Variants in MARCHF8 observed in about 807,000 individuals in gnomAD.
MARCHF8 encodes the protein membrane associated ring-CH-type finger 8.
Under a neutral mutation model 51.6 loss-of-function variants are expected in MARCHF8, and 40 were observed. That is an observed-to-expected ratio of 0.77 (90% CI 0.60 to 1.01). The LOEUF (loss-of-function observed/expected upper bound fraction) is 1.01, where lower values mean the gene tolerates loss of function less well. Ranked by LOEUF, MARCHF8 falls within the 50% of genes least tolerant of loss-of-function variation. The pLI is 0.00. For missense variants in MARCHF8, 685 were observed against 708.6 expected (o/e 0.97, Z 0.38); for synonymous variants, 263 against 280.3 (o/e 0.94, Z 0.62).
intron 2 of MARCHF8, among the ~76,000 whole-genome samples, chr10:45,495,590 C>A (rs1298234149): frequency 1.3e-5 from 2 of 152,036 alleles, no homozygotes; most frequent in African/African-American, 4.8e-5. Flanking sequence ...CCATAAATTC[C>A]CTCTTCAACG....
rs1842894833 is a variant in MARCHF8, at chr10:45,464,272, G to A, written c.209C>T (p.Thr70Ile). ...GTCCTGGCTGGATGGCGTGATAGAA[G>A]TGCGAGAGAAGGAGGACACCGGAGC... The part of the protein sequence containing the change: ...APAPVSSFSR[T>I]SITPSSQDIC... The change falls in exon 4 of 8, where the codon ACT (threonine) becomes ATT (isoleucine). Residue 70 changes from threonine (T) to isoleucine (I), a missense_variant. Thr to Ile is a moderately conservative substitution (Grantham distance 89, BLOSUM62 -1). Coordinates refer to ENST00000453424, the MANE Select transcript of MARCHF8 (RefSeq NM_001282866.2). 4 of 1,614,210 alleles carry A rather than the reference G, an allele frequency of 2.5e-6. No homozygotes were observed. The highest frequency in any genetic ancestry group is 1.1e-5 in the South Asian group (1 of 91,086).
chr10:45,477,705 T>TA (rs1336714466), intron 3 of MARCHF8, among the ~76,000 whole-genome samples: 1 of 152,082 alleles, frequency 6.6e-6, no homozygotes, highest in Non-Finnish European at 1.5e-5. Context: ...CATATAGACT[T>TA]AAAGTACAGG....
intron 2 of MARCHF8, among the ~76,000 whole-genome samples, chr10:45,492,507 C>A (rs2043101514): frequency 6.6e-6 from 1 of 152,108 alleles, no homozygotes; most frequent in Non-Finnish European, 1.5e-5. Flanking sequence ...CTGTGTTAGC[C>A]AGGATGGTCT....
intron 2 of MARCHF8, among the ~76,000 whole-genome samples, chr10:45,513,698 TCAGA>T (rs1483175497): frequency 6.6e-6 from 1 of 151,410 alleles, no homozygotes; most frequent in Non-Finnish European, 1.5e-5. Context: ...CCACAAAAAA[TCAGA>T]CAGAGGGAGC....
intron 3 of MARCHF8, among the ~76,000 whole-genome samples, chr10:45,474,423 AG>A (rs1225140831): frequency 6.6e-6 from 1 of 151,830 alleles, no homozygotes; most frequent in African/African-American, 2.4e-5. Flanking sequence ...CTCACAGCAG[AG>A]ATGGAAAGTT....
rs1183838148 is a variant in MARCHF8, at chr10:45,489,558, T to C, written c.103-141A>G. On this transcript the variant is annotated intron_variant, in intron 2 of 7. Transcript: ENST00000453424. ...AGCACAACCTACTATATACTAGATG[T>C]ATGTAGCCAGGCAGTAAATATTGCA... is the stretch of plus-strand genomic sequence containing the variant. The C allele has an allele frequency of 2.6e-5, 17 of 657,102 alleles. No homozygotes were observed. The East Asian group carries it at 3.7e-4, about 14-fold the overall frequency. The allele number at this position is 657,102 out of a possible 1,614,324, so 40.7% of individuals were successfully genotyped here. A position where few individuals can be genotyped will look rare whatever the true frequency, so the allele number is the denominator to read the frequency against.
At chr10:45,461,643 A>C (rs1218678714) in intron 5 of MARCHF8, 3 of 359,806 alleles carry the variant, frequency 8.3e-6, no homozygotes, top group Non-Finnish European at 1.5e-5. Context: ...GAAAGGAAAA[A>C]ACGATGTAAG....
chr10:45,569,883 T>G (rs1181401337), intron 1 of MARCHF8, among the ~76,000 whole-genome samples: 1 of 152,134 alleles, frequency 6.6e-6, no homozygotes, highest in Non-Finnish European at 1.5e-5. Context: ...GACCCAATTA[T>G]GTCTACAAGA....
chr10:45,469,294 C>A (rs1251734667), intron 3 of MARCHF8, among the ~76,000 whole-genome samples: 1 of 152,074 alleles, frequency 6.6e-6, no homozygotes, highest in African/African-American at 2.4e-5. Context: ...CCACTTTACA[C>A]TGAGCAACAT....
chr10:45,539,133 G>A (rs1017563572), upstream of MARCHF8, among the ~76,000 whole-genome samples: 84 of 152,184 alleles, frequency 5.5e-4, no homozygotes, highest in Non-Finnish European at 1.1e-3. Context: ...AGACCACAGT[G>A]CAATCAAACT....
chr10:45,553,474 G>A (rs1589171783), intron 1 of MARCHF8, among the ~76,000 whole-genome samples: 2 of 152,260 alleles, frequency 1.3e-5, no homozygotes, highest in South Asian at 2.1e-4. Flanking sequence ...CATTACGCTT[G>A]AATACTTCCT....
intron 2 of MARCHF8, among the ~76,000 whole-genome samples, chr10:45,530,864 A>G (rs138487260): frequency 5.4e-4 from 83 of 152,318 alleles, no homozygotes; most frequent in African/African-American, 1.9e-3. Flanking sequence ...CATGCCAACA[A>G]TGACAGAAAA....
chr10:45,566,808 G>A (rs2044370516), intron 1 of MARCHF8, among the ~76,000 whole-genome samples: 1 of 151,946 alleles, frequency 6.6e-6, no homozygotes, highest in East Asian at 1.9e-4. Flanking sequence ...CCTAGCAGTG[G>A]GATTGCCAGA....
intron 2 of MARCHF8, among the ~76,000 whole-genome samples, chr10:45,512,521 G>A (rs1158884622): frequency 3.3e-5 from 5 of 150,074 alleles, no homozygotes; most frequent in Non-Finnish European, 4.5e-5. Context: ...CGGGAGGTGA[G>A]GGGCGCCTCT....
At chr10:45,504,393 G>A (rs111724687) in intron 2 of MARCHF8, among the ~76,000 whole-genome samples, 3,716 of 152,288 alleles carry the variant, frequency 0.024, 148 homozygotes, top group African/African-American at 0.084. Flanking sequence ...GCGGTGAGCC[G>A]AGATCGCGCC....
At chr10:45,520,958 T>C (rs1372530697) in intron 2 of MARCHF8, among the ~76,000 whole-genome samples, 1 of 152,240 alleles carries the variant, frequency 6.6e-6, no homozygotes, top group Non-Finnish European at 1.5e-5. Context: ...TCTTGAAAAG[T>C]TGCTGTTCAA....
intron 2 of MARCHF8, among the ~76,000 whole-genome samples, chr10:45,492,303 T>TTC (rs2043096520): frequency 6.6e-6 from 1 of 151,814 alleles, no homozygotes; most frequent in African/African-American, 2.4e-5. Context: ...TCTTCTTTTT[T>TTC]TTTTTCTTTT....
chr10:45,571,841 T>A (rs1289126145), intron 1 of MARCHF8, among the ~76,000 whole-genome samples: 2 of 152,176 alleles, frequency 1.3e-5, no homozygotes, highest in African/African-American at 4.8e-5. Flanking sequence ...TTTCCTTTTC[T>A]GGTAGAGACA....
intron 2 of MARCHF8, among the ~76,000 whole-genome samples, chr10:45,531,636 C>CTCAT (rs1425471924): frequency 2.0e-5 from 3 of 152,144 alleles, no homozygotes; most frequent in Non-Finnish European, 4.4e-5. Flanking sequence ...TTCATATTCA[C>CTCAT]TCATTCATTC....
Sources: allele counts gnomAD v4.1 joint callset (sites outside exome capture counted in the v4.1 genomes callset), GRCh38; gene constraint gnomAD v4.1.1; transcripts MANE v1.5; gene names NCBI Gene and HGNC (gene_info 2026-07-23, HGNC 2026-07-21).